The following TSC22D1 variants were observed in gnomAD, a reference collection of about 807,000 sequenced individuals.
The protein encoded by TSC22D1 is TSC22 domain family protein 1.
A neutral mutation model predicts 74.2 loss-of-function variants in TSC22D1; 9 were observed. The ratio of observed to expected loss-of-function variants is 0.12; its 90% CI spans 0.07 to 0.21. The LOEUF is 0.21. TSC22D1 is among the 10% of genes least tolerant of loss of function. The pLI, the probability that TSC22D1 is intolerant of heterozygous loss-of-function variation, is 1.00. For synonymous variants in TSC22D1, 586 were observed against 492.5 expected, an observed-to-expected ratio of 1.19 and a Z score of -2.51; for missense variants, 1,427 against 1,304.7, an observed-to-expected ratio of 1.09 and a Z score of -1.44.
At chr13:44,536,269 G>A (rs1194970855) in intron 1 of TSC22D1, among the ~76,000 whole-genome samples, 1 of 151,706 alleles carries the variant, frequency 6.6e-6, no homozygotes, top group East Asian at 1.9e-4. Flanking sequence ...TTCTTGCCTA[G>A]GACCCCATCT....
chr13:44,495,953 C>A (rs572975198), intron 1 of TSC22D1, among the ~76,000 whole-genome samples: 6 of 152,116 alleles, frequency 3.9e-5, no homozygotes, highest in Admixed American at 3.3e-4. Context: ...GATATAATAC[C>A]AAACATATAA....
intron 1 of TSC22D1, among the ~76,000 whole-genome samples, chr13:44,500,084 G>A (rs1166497670): frequency 2.1e-5 from 3 of 141,468 alleles, no homozygotes; most frequent in South Asian, 4.5e-4. Context: ...GCGAAAGCCC[G>A]TCTCAAAAAA....
At chr13:44,466,292 T>C (rs1877281575) in intron 1 of TSC22D1, among the ~76,000 whole-genome samples, 1 of 152,214 alleles carries the variant, frequency 6.6e-6, no homozygotes, top group South Asian at 2.1e-4. Context: ...CAGTGCGACT[T>C]AGCACATACA....
chr13:44,434,356 A>C lies in TSC22D1; in HGVS notation c.*270T>G. 1 of 1,371,278 alleles carries C rather than the reference A, an allele frequency of 7.3e-7. No individual in the cohort carries two copies. Among genetic ancestry groups the C allele is most frequent in the Non-Finnish European group, 9.3e-7 (1 of 1,071,088 alleles). 84.9% of individuals were successfully genotyped at this position (1,371,278 alleles called of 1,614,324 possible). On this transcript the variant is annotated 3_prime_UTR_variant, in exon 3 of 3. Coordinates refer to ENST00000458659, the MANE Select transcript of TSC22D1 (RefSeq NM_183422.4). ...ACAGCTCCTGAGCATGAATTAAACC[A>C]TTTCTCAGATATCTGCCAAGCTGCA...
chr13:44,522,107 TAGATA>T (rs1475465331), intron 1 of TSC22D1, among the ~76,000 whole-genome samples: 1 of 152,208 alleles, frequency 6.6e-6, no homozygotes, highest in Non-Finnish European at 1.5e-5. Context: ...ACTAAATGTT[TAGATA>T]TAATGACTAG....
intron 1 of TSC22D1, among the ~76,000 whole-genome samples, chr13:44,504,623 A>ATT (rs1491548540): frequency 8.5e-5 from 12 of 141,060 alleles, no homozygotes; most frequent in African/African-American, 3.1e-4. Flanking sequence ...AAAAAAAAAA[A>ATT]TTTTCAAGCA....
chr13:44,483,776 T>G (rs559555500), intron 1 of TSC22D1, among the ~76,000 whole-genome samples: 1 of 152,230 alleles, frequency 6.6e-6, no homozygotes, highest in Non-Finnish European at 1.5e-5. Flanking sequence ...TTCTACAGAC[T>G]GGTCAATTAA....
chr13:44,554,278 A>G (rs1050801799), intron 1 of TSC22D1, among the ~76,000 whole-genome samples: 2 of 152,234 alleles, frequency 1.3e-5, no homozygotes, highest in Non-Finnish European at 2.9e-5. Flanking sequence ...GGTAGCAGAA[A>G]TAAGATGAGA....
intron 1 of TSC22D1, among the ~76,000 whole-genome samples, chr13:44,515,445 CTTTT>C (rs879885981): frequency 1.4e-5 from 2 of 142,292 alleles, no homozygotes; most frequent in East Asian, 4.1e-4. Context: ...TGAAAAAAAT[CTTTT>C]TTTTTTTTTG....
At chr13:44,546,158 A>G (rs1335235721) in intron 1 of TSC22D1, among the ~76,000 whole-genome samples, 1 of 152,206 alleles carries the variant, frequency 6.6e-6, no homozygotes, top group African/African-American at 2.4e-5. Flanking sequence ...AAAAGATGTT[A>G]AATAATTAAA....
In TSC22D1 at chr13:44,575,239, G is replaced by C; in HGVS notation, c.836C>G (p.Ala279Gly). Residue 279 changes from alanine (A) to glycine (G), a missense_variant, in exon 1 of 3, where the codon GCT becomes GGT. This residue lies in a region of TSC22D1 where 1,343 missense variants were observed against 1,191.5 expected (regional missense o/e 1.13). Coordinates refer to ENST00000458659, the MANE Select transcript of TSC22D1 (RefSeq NM_183422.4). ...TGCAGGTGAACCACTGGATGATACA[G>C]CAGAAGTTGGTGCAACTGGTGTGAT... ...DSITPVAPTSAVSSSGSPASV... is the reference protein window; with the variant it reads ...DSITPVAPTSGVSSSGSPASV... 1 of 1,614,088 alleles carries C rather than the reference G, an allele frequency of 6.2e-7. No homozygotes were observed. The highest frequency in any genetic ancestry group is 1.1e-5 in the South Asian group (1 of 91,086).
At chr13:44,563,882 T>G (rs1156230) in intron 1 of TSC22D1, among the ~76,000 whole-genome samples, 151,485 of 152,310 alleles carry the variant, frequency 0.99, 75,343 homozygotes, top group East Asian at 1. Context: ...CTGATTATTT[T>G]ATTTAATATT....
chr13:44,550,095 T>C (rs1238062164), intron 1 of TSC22D1, among the ~76,000 whole-genome samples: 1 of 152,168 alleles, frequency 6.6e-6, no homozygotes, highest in Non-Finnish European at 1.5e-5. Flanking sequence ...TGAAAAGGTA[T>C]TAAGAAAGAA....
intron 1 of TSC22D1, among the ~76,000 whole-genome samples, chr13:44,562,380 G>GTA (rs962303091): frequency 6.1e-4 from 93 of 152,290 alleles, no homozygotes; most frequent in African/African-American, 2.2e-3. Flanking sequence ...CTACAAACAT[G>GTA]TATATATCCT....
intron 1 of TSC22D1, chr13:44,537,910 A>C (rs1211368286): frequency 1.0e-6 from 1 of 984,988 alleles, no homozygotes; most frequent in Non-Finnish European, 1.2e-6. Context: ...TAGAATGTCT[A>C]TTCTTAAAAT....
At position 44,479,378 on chromosome 13, in the gene TSC22D1, G is replaced by A. The variant is rs567849525; in HGVS notation, c.2913-43283C>T. 3.7e-4 allele frequency among the ~76,000 whole-genome samples: 52 copies of A among 142,040 alleles called. No individual in the cohort carries two copies. The Middle Eastern group carries it at 0.012, about 32-fold the overall frequency. The allele number at this position is 142,040 out of a possible 152,430, so 93.2% of individuals were successfully genotyped here. A position where few individuals can be genotyped will look rare whatever the true frequency, so the allele number is the denominator to read the frequency against. On this transcript the variant is annotated intron_variant, in intron 1 of 2. Coordinates refer to ENST00000458659, the MANE Select transcript of TSC22D1 (RefSeq NM_183422.4). ...TATCATTAGTGTTAGTGTATTTTAC[G>A]TGCGGCCCAAGACAATTCTTCTTCC...
intron 1 of TSC22D1, among the ~76,000 whole-genome samples, chr13:44,523,221 G>A (rs138435378): frequency 1.3e-5 from 2 of 152,256 alleles, no homozygotes; most frequent in East Asian, 1.9e-4. Context: ...CAGTACAGTC[G>A]AGTTGAGACA....
At chr13:44,477,223 G>T (rs996203135) in intron 1 of TSC22D1, among the ~76,000 whole-genome samples, 3 of 152,202 alleles carry the variant, frequency 2.0e-5, no homozygotes, top group Admixed American at 1.3e-4. Flanking sequence ...AAAGTGCTGG[G>T]ACTGCAGGCG....
intron 1 of TSC22D1, among the ~76,000 whole-genome samples, chr13:44,484,870 A>T (rs1878353630): frequency 6.6e-6 from 1 of 152,364 alleles, no homozygotes; most frequent in South Asian, 2.1e-4. Context: ...GGAATTGTAG[A>T]AAATACATGA....
Sources: gnomAD v4.1 joint callset for allele counts (sites outside exome capture counted in the v4.1 genomes callset) on GRCh38, gnomAD v4.1.1 for gene constraint, gnomAD v4.1.1 regional missense constraint, MANE v1.5 for transcripts, NCBI Gene and HGNC (gene_info 2026-07-23, HGNC 2026-07-21) for gene names.